FAM124B: variants seen among roughly 807,000 people sequenced by gnomAD.
FAM124B encodes the protein family with sequence similarity 124 member B, also known as protein FAM124B.
FAM124B carries 18 observed loss-of-function variants against 19.7 expected under a neutral mutation model. The ratio of observed to expected loss-of-function variants is 0.92; its 90% CI spans 0.63 to 1.36. The LOEUF is 1.36. Ranked by LOEUF, FAM124B falls within the 40% of genes most tolerant of loss-of-function variation. The pLI, the probability that FAM124B is intolerant of heterozygous loss-of-function variation, is 0.00. For synonymous variants in FAM124B, 223 were observed against 225.2 expected (o/e 0.99, Z 0.09); for missense variants, 540 against 553.3 (o/e 0.98, Z 0.24).
In FAM124B at chr2:224,401,923, C is replaced by A. The variant is rs1690082548; in HGVS notation, c.-155G>T. Reference sequence around the variant, plus strand: ...AGCAGAGCTCTTAACCAGACTAACACGTGCTCCTGGCCACCCGTGGACTTA... The same window carrying A: ...AGCAGAGCTCTTAACCAGACTAACAAGTGCTCCTGGCCACCCGTGGACTTA... On this transcript the variant is annotated 5_prime_UTR_variant, in exon 1 of 2. Transcript: ENST00000409685. 1 of 876,138 alleles carries A rather than the reference C, an allele frequency of 1.1e-6. No homozygotes were observed. The highest frequency in any genetic ancestry group is 1.7e-6 in the Non-Finnish European group (1 of 585,836). 54.3% of individuals were successfully genotyped at this position (876,138 alleles called of 1,614,324 possible). A position where few individuals can be genotyped will look rare whatever the true frequency, so the allele number is the denominator to read the frequency against.
At chr2:224,383,000 C>A (rs1433422319) in intron 1 of FAM124B, among the ~76,000 whole-genome samples, 1 of 152,146 alleles carries the variant, frequency 6.6e-6, no homozygotes. Flanking sequence ...AGAGAGCTTC[C>A]ACCAGCATCA....
chr2:224,399,586 C>T (rs754082142), intron 1 of FAM124B: 3 of 152,130 alleles, frequency 2.0e-5, no homozygotes, highest in Non-Finnish European at 2.9e-5. Context: ...GACATTCATC[C>T]CCCTGCTTGC....
At chr2:224,381,075 T>C (rs1221388103) in intron 1 of FAM124B, among the ~76,000 whole-genome samples, 1 of 152,178 alleles carries the variant, frequency 6.6e-6, no homozygotes, top group African/African-American at 2.4e-5. Flanking sequence ...TAACAGCCCT[T>C]GGAAATTTGT....
Position 224,379,629 on chromosome 2 carries a change from G to A in FAM124B, c.1312C>T (p.His438Tyr). 1.3e-6 allele frequency: 2 copies of A among 1,551,210 alleles called. No homozygotes were observed. The highest frequency in any genetic ancestry group is 1.7e-6 in the Non-Finnish European group (2 of 1,146,712). Residue 438 changes from histidine to tyrosine, a missense_variant, in exon 2 of 2, where the codon CAT becomes TAT. His to Tyr is a moderately conservative substitution (Grantham distance 83). Transcript: ENST00000409685. ...TRKTISECLL[H>Y]LQVQGEEKEE... ...TTTTCTTCACCCTGAACTTGCAGAT[G>A]AAGGAGACATTCTGAAATTGTCTTC...
In FAM124B at chr2:224,380,175, C is replaced by G; in HGVS notation, c.766G>C (p.Gly256Arg). The change falls in exon 2 of 2, where the codon GGC becomes CGC. Residue 256 changes from glycine (G) to arginine (R), a missense_variant. Gly to Arg is a moderately radical substitution (Grantham distance 125). Transcript: ENST00000409685. Reference sequence around the variant, plus strand: ...GGAAGCATGCCAGCTCCCAAGATGCCATTCTTAACACCAAGTTCTGGATTC... The same window carrying G: ...GGAAGCATGCCAGCTCCCAAGATGCGATTCTTAACACCAAGTTCTGGATTC... ...QLNPELGVKN[G>R]ILGAGMLPLG... is the part of the protein sequence containing the mutation. 1 of 1,549,794 alleles carries G rather than the reference C, an allele frequency of 6.5e-7. No homozygotes were observed. Among genetic ancestry groups the G allele is most frequent in the Admixed American group, 2.0e-5 (1 of 50,900 alleles).
intron 1 of FAM124B, among the ~76,000 whole-genome samples, chr2:224,394,000 G>A (rs1269199059): frequency 6.6e-6 from 1 of 152,104 alleles, no homozygotes; most frequent in Non-Finnish European, 1.5e-5. Context: ...AGGAGACCAG[G>A]ACAGAACCTG....
intron 1 of FAM124B, among the ~76,000 whole-genome samples, chr2:224,388,725 T>G (rs1192381930): frequency 2.6e-5 from 4 of 152,246 alleles, no homozygotes. Flanking sequence ...AATGTATTGT[T>G]ATGTGTATTT....
chr2:224,389,343 T>G (rs1421125724), intron 1 of FAM124B, among the ~76,000 whole-genome samples: 1 of 152,210 alleles, frequency 6.6e-6, no homozygotes, highest in Non-Finnish European at 1.5e-5. Context: ...GAACATAAAT[T>G]TGGCAGTCAT....
chr2:224,396,483 G>A (rs2106087549), intron 1 of FAM124B, among the ~76,000 whole-genome samples: 1 of 152,246 alleles, frequency 6.6e-6, no homozygotes, highest in South Asian at 2.1e-4. Context: ...CATGTGGAGG[G>A]ATGGTCTGCA....
At position 224,379,945 on chromosome 2, in the gene FAM124B, C is replaced by A. The variant is rs559531745; in HGVS notation, c.996G>T (p.Leu332=). 4.5e-6 allele frequency: 7 copies of A among 1,551,784 alleles called. No individual in the cohort carries two copies. Among genetic ancestry groups the A allele is most frequent in the Non-Finnish European group, 5.2e-6 (6 of 1,147,020 alleles). ...ATTCAAGGTGATGAGAAGACAGGTGCAGGTGGGCACCCATAGCTGGGCTGC... is the reference window on the plus strand; with the variant it reads ...ATTCAAGGTGATGAGAAGACAGGTGAAGGTGGGCACCCATAGCTGGGCTGC... ...QVSSPAMGAH[L]HLSSHHLESG... The change falls in exon 2 of 2, where the codon CTG becomes CTT. Residue 332 remains leucine (L), a synonymous_variant. Coordinates refer to ENST00000409685, the MANE Select transcript of FAM124B (RefSeq NM_001122779.2).
intron 1 of FAM124B, among the ~76,000 whole-genome samples, chr2:224,382,493 T>C (rs1188382558): frequency 7.3e-6 from 1 of 137,838 alleles, no homozygotes; most frequent in East Asian, 2.4e-4. Flanking sequence ...CACTGCAACC[T>C]CCACCTGCCA....
intron 1 of FAM124B, among the ~76,000 whole-genome samples, chr2:224,398,167 G>A (rs539884238): frequency 3.3e-5 from 5 of 152,170 alleles, no homozygotes; most frequent in African/African-American, 7.2e-5. Context: ...GCACAATCTC[G>A]GCTCACTGCA....
intron 1 of FAM124B, among the ~76,000 whole-genome samples, chr2:224,383,431 A>G (rs949740757): frequency 6.6e-6 from 1 of 151,800 alleles, no homozygotes; most frequent in Non-Finnish European, 1.5e-5. Flanking sequence ...CTCTAATTCC[A>G]CAGCTCCGCC....
chr2:224,392,841 G>T (rs2106084828), intron 1 of FAM124B, among the ~76,000 whole-genome samples: 1 of 151,664 alleles, frequency 6.6e-6, no homozygotes, highest in South Asian at 2.1e-4. Context: ...GCTTCAAGAT[G>T]CAGGAGACCT....
intron 1 of FAM124B, among the ~76,000 whole-genome samples, chr2:224,380,853 G>A (rs1394461251): frequency 6.6e-6 from 1 of 152,122 alleles, no homozygotes; most frequent in Non-Finnish European, 1.5e-5. Context: ...AAGTTTAGGT[G>A]TTTTCATCCT....
intron 1 of FAM124B, among the ~76,000 whole-genome samples, chr2:224,380,703 T>C (rs1214112074): frequency 1.3e-5 from 2 of 152,230 alleles, no homozygotes; most frequent in African/African-American, 4.8e-5. Flanking sequence ...ATACATATCT[T>C]GGGCCATTCT....
chr2:224,385,321 C>A (rs1689786398), intron 1 of FAM124B, among the ~76,000 whole-genome samples: 1 of 152,218 alleles, frequency 6.6e-6, no homozygotes, highest in Non-Finnish European at 1.5e-5. Context: ...ATCCTGAAGT[C>A]TTTTTCTTCA....
At position 224,401,583 on chromosome 2, in the gene FAM124B, G is replaced by C; in HGVS notation, c.186C>G (p.Ser62=). The C allele has an allele frequency of 6.2e-7, 1 of 1,614,154 alleles. No homozygotes were observed. The change falls in exon 1 of 2, where the codon TCC becomes TCG. Residue 62 remains serine, a synonymous_variant. Transcript: ENST00000409685. ...GCAACACGGACATCCCTGGAAACCG[G>C]GACCGCTTGGAATGGGACTTTTCAC... ...KYCEKSHSKR[S]RFPGMSVLLF...
chr2:224,399,284 G>A (rs774141086), intron 1 of FAM124B, among the ~76,000 whole-genome samples: 8 of 152,164 alleles, frequency 5.3e-5, no homozygotes, highest in East Asian at 1.9e-4. Flanking sequence ...CTAGAGAGTC[G>A]CTAAAACTGA....
Sources: gnomAD v4.1 joint callset for allele counts (sites outside exome capture counted in the v4.1 genomes callset) on GRCh38, gnomAD v4.1.1 for gene constraint, MANE v1.5 for transcripts, NCBI Gene and HGNC (gene_info 2026-07-23, HGNC 2026-07-21) for gene names.